Variants in PTGR3 observed in about 807,000 individuals in gnomAD.
PTGR3 encodes the protein prostaglandin reductase 3, also known as zinc binding alcohol dehydrogenase domain containing 2.
the PTGR3 span, chr18:75,197,691 T>C: frequency 6.6e-6 from 1 of 152,250 alleles, no homozygotes; most frequent in Non-Finnish European, 1.5e-5. Flanking sequence ...GGAAATTAGT[T>C]ACTGAACATC....
At chr18:75,196,670 GC>G in the PTGR3 span, 1 of 143,204 alleles carries the variant, frequency 7.0e-6, no homozygotes, top group African/African-American at 2.6e-5. Context: ...CTGTACTTTG[GC>G]CCAGCGCTTC....
the PTGR3 span, among the ~76,000 whole-genome samples, chr18:75,204,853 GAGTCCCGT>G: frequency 6.6e-6 from 1 of 152,174 alleles, no homozygotes; most frequent in Non-Finnish European, 1.5e-5. Context: ...AGTTCTCTCC[GAGTCCCGT>G]GCACTCGGCG....
the PTGR3 span, among the ~76,000 whole-genome samples, chr18:75,204,169 C>T: frequency 5.3e-5 from 8 of 152,264 alleles, no homozygotes; most frequent in Non-Finnish European, 8.8e-5. Flanking sequence ...GGGGGGACAC[C>T]CGGGCGGCCA....
At chr18:75,201,230 A>G in the PTGR3 span, 1 of 411,820 alleles carries the variant, frequency 2.4e-6, no homozygotes, top group African/African-American at 2.1e-5. Flanking sequence ...TTATTAGCAC[A>G]TTTTTTTTTT....
chr18:75,201,334 CTAAAAA>C, the PTGR3 span: 3 of 1,268,832 alleles, frequency 2.4e-6, no homozygotes, highest in Middle Eastern at 2.0e-4. Context: ...CCATTACCAA[CTAAAAA>C]TAAATTGATT....
chr18:75,202,394 T>C, the PTGR3 span: 1 of 1,531,610 alleles, frequency 6.5e-7, no homozygotes, highest in Non-Finnish European at 8.9e-7. Context: ...GTTAGGCATT[T>C]AGATTCTGCT....
At chr18:75,208,567 A>C in the PTGR3 span, 7 of 551,568 alleles carry the variant, frequency 1.3e-5, no homozygotes, top group East Asian at 7.1e-5. Context: ...GAGGGGGAGG[A>C]GGGAGGGCTG....
chr18:75,201,420 A>G, the PTGR3 span: 2 of 1,603,814 alleles, frequency 1.2e-6, no homozygotes, highest in African/African-American at 1.3e-5. Context: ...CTGTTTTTAC[A>G]GCTTACTGTT....
At chr18:75,204,632 C>T in the PTGR3 span, among the ~76,000 whole-genome samples, 1 of 152,162 alleles carries the variant, frequency 6.6e-6, no homozygotes, top group Non-Finnish European at 1.5e-5. Flanking sequence ...AGTCCTACGG[C>T]ATCCCCACCG....
the PTGR3 span, chr18:75,208,611 C>T: frequency 1.1e-4 from 95 of 878,540 alleles, no homozygotes; most frequent in Non-Finnish European, 1.3e-4. Context: ...TTAAAATAAC[C>T]CTCAGTTATG....
chr18:75,197,552 C>T, the PTGR3 span: 1 of 152,048 alleles, frequency 6.6e-6, no homozygotes, highest in Non-Finnish European at 1.5e-5. Context: ...GATAATCCCG[C>T]TTAAAGTGAC....
chr18:75,207,196 C>A, the PTGR3 span, among the ~76,000 whole-genome samples: 2 of 152,238 alleles, frequency 1.3e-5, no homozygotes, highest in African/African-American at 4.8e-5. Context: ...CCTCACCTTC[C>A]CCCTGCCCTT....
chr18:75,208,416 T>A, the PTGR3 span: 10 of 990,300 alleles, frequency 1.0e-5, no homozygotes, highest in East Asian at 6.7e-4. Flanking sequence ...CGAAGCACGT[T>A]TACCTAAACG....
At chr18:75,201,462 C>T in the PTGR3 span, 41 of 1,612,978 alleles carry the variant, frequency 2.5e-5, no homozygotes, top group Non-Finnish European at 3.2e-5. Flanking sequence ...TACAATTTTT[C>T]CAGTGTTTTT....
At chr18:75,198,198 G>A in the PTGR3 span, 1 of 152,234 alleles carries the variant, frequency 6.6e-6, no homozygotes, top group Non-Finnish European at 1.5e-5. Context: ...AGGCAGGCAT[G>A]TGTCTTAAAT....
At chr18:75,195,558 T>A in the PTGR3 span, 1 of 152,206 alleles carries the variant, frequency 6.6e-6, no homozygotes, top group Non-Finnish European at 1.5e-5. Context: ...CCCAGTTTCT[T>A]TTCTTCATTC....
At chr18:75,203,043 G>C in the PTGR3 span, among the ~76,000 whole-genome samples, 1 of 152,120 alleles carries the variant, frequency 6.6e-6, no homozygotes, top group African/African-American at 2.4e-5. Flanking sequence ...TGGGTAGAGC[G>C]ATTTTTATGA....
chr18:75,208,812 G>A, the PTGR3 span: 4 of 1,399,896 alleles, frequency 2.9e-6, no homozygotes, highest in South Asian at 1.5e-5. Context: ...AGCCCGGGGC[G>A]AGAACGGGGG....
At chr18:75,207,912 A>G in the PTGR3 span, among the ~76,000 whole-genome samples, 2 of 152,210 alleles carry the variant, frequency 1.3e-5, no homozygotes, top group Non-Finnish European at 2.9e-5. Flanking sequence ...GCAGCACCGT[A>G]AACATTTCGA....
Sources: gnomAD v4.1 joint callset for allele counts (sites outside exome capture counted in the v4.1 genomes callset) on GRCh38, gnomAD v4.1.1 for gene constraint, MANE v1.5 for transcripts, NCBI Gene and HGNC (gene_info 2026-07-23, HGNC 2026-07-21) for gene names.